TRA2A: variants seen among roughly 807,000 people sequenced by gnomAD.
TRA2A encodes the protein transformer 2 alpha homolog, also known as transformer-2 protein homolog alpha.
In TRA2A, 31 loss-of-function variants were observed where a neutral mutation model predicts 45.7. That is an observed-to-expected ratio of 0.68 (90% CI 0.51 to 0.92). The LOEUF (loss-of-function observed/expected upper bound fraction) is 0.92, where lower values mean the gene tolerates loss of function less well. Ranked by LOEUF, TRA2A falls within the 40% of genes least tolerant of loss-of-function variation. TRA2A has a pLI of 0.00. For missense variants in TRA2A, 304 were observed against 367.5 expected, an observed-to-expected ratio of 0.83 and a Z score of 1.41; for synonymous variants, 132 against 126.2, an observed-to-expected ratio of 1.05 and a Z score of -0.31.
At position 23,516,460 on chromosome 7, in the gene TRA2A, C is replaced by T. The variant is rs201587902; in HGVS notation, c.239G>A (p.Arg80Lys). The T allele has an allele frequency of 1.5e-4, 248 of 1,614,068 alleles. No homozygotes were observed. Among genetic ancestry groups the T allele is most frequent in the Non-Finnish European group, 3.3e-5 (39 of 1,180,004 alleles). The change falls in exon 3 of 8, where the codon AGA (arginine) becomes AAA (lysine). Residue 80 changes from arginine (R) to lysine (K), a missense_variant. Physicochemically the swap from Arg to Lys is conservative, Grantham distance 26. This residue lies in a region of TRA2A where 132 missense variants were observed against 113.4 expected (regional missense o/e 1.16). Transcript: ENST00000297071. ...RSRSHSHSHR[R>K]RSRSRSYTPE... is the part of the protein sequence containing the mutation. ...TGTATATGATCTACTTCGAGATCGT[C>T]TCCTATGAGAGTGAGAGTGGGATCT...
At position 23,520,285 on chromosome 7, in the gene TRA2A, C is replaced by T. The variant is rs904469455; in HGVS notation, c.170+1422G>A. Among the ~76,000 whole-genome samples, 6 of 151,974 alleles carry T rather than the reference C, an allele frequency of 3.9e-5. No individual in the cohort carries two copies. In the East Asian group the frequency reaches 1.2e-3, roughly 29 times the overall value. ...TTTTTTTTAAATCAGACAGTGACAA[C>T]ATAAAAAAATTAAGAGTAAGGGAAT... On this transcript the variant is annotated intron_variant, in intron 2 of 7. Transcript: ENST00000297071.
In TRA2A at chr7:23,512,119, T is replaced by C. The variant is rs138217718; in HGVS notation, c.525+775A>G. Reference sequence around the variant, plus strand: ...CCAGATTTCAATTAGGATATGCCTATAGCAGAGAGCATAACCAAAAAAAGT... The same window carrying C: ...CCAGATTTCAATTAGGATATGCCTACAGCAGAGAGCATAACCAAAAAAAGT... On this transcript the variant is annotated intron_variant, in intron 4 of 7. Transcript: ENST00000297071. 6.1e-3 allele frequency among the ~76,000 whole-genome samples: 934 copies of C among 152,318 alleles called. 15 individuals are homozygous for C. The highest frequency in any genetic ancestry group is 0.022 in the African/African-American group (896 of 41,574).
intron 4 of TRA2A, among the ~76,000 whole-genome samples, chr7:23,511,396 A>AAAAAAAAAAAG (rs1789606365): frequency 3.2e-5 from 1 of 31,036 alleles, no homozygotes; most frequent in Non-Finnish European, 7.2e-5. Context: ...AAAAAAAAAA[A>AAAAAAAAAAAG]AAAAAAAAAA....
intron 1 of TRA2A, chr7:23,531,169 T>A: frequency 1.2e-5 from 12 of 980,082 alleles, no homozygotes; most frequent in Non-Finnish European, 1.5e-5. Flanking sequence ...GTCGGTGCGG[T>A]CGTTGACTAA....
At chr7:23,510,605 A>G (rs1370207631) in intron 4 of TRA2A, among the ~76,000 whole-genome samples, 1 of 152,146 alleles carries the variant, frequency 6.6e-6, no homozygotes, top group Non-Finnish European at 1.5e-5. Flanking sequence ...TGGGATTACA[A>G]GGTGCGAGCC....
chr7:23,507,265 G>C (rs1789385668), intron 5 of TRA2A, 155 bp downstream of exon 5: 1 of 609,636 alleles, frequency 1.6e-6, no homozygotes, highest in Admixed American at 2.9e-5. Flanking sequence ...ACACCTGGCT[G>C]ATTTTTTATT....
Position 23,516,484 on chromosome 7 carries a change from C to A in TRA2A, c.215G>T (p.Arg72Ile), listed in dbSNP as rs1789878018. ...TCTCCTATGAGAGTGAGAGTGGGAT[C>A]TGGATCGAGTGTAACGTCTATGAGA... Reference protein sequence around the residue: ...RHSHRRYTRSRSHSHSHRRRS... With the variant: ...RHSHRRYTRSISHSHSHRRRS... The change falls in exon 3 of 8, where the codon AGA (arginine) becomes ATA (isoleucine). Residue 72 changes from arginine to isoleucine, a missense_variant. Coordinates refer to ENST00000297071, the MANE Select transcript of TRA2A (RefSeq NM_013293.5). The A allele has an allele frequency of 1.2e-6, 2 of 1,614,250 alleles. No homozygotes were observed. Among genetic ancestry groups the A allele is most frequent in the African/African-American group, 1.3e-5 (1 of 75,074 alleles).
chr7:23,525,444 A>G (rs539627353), intron 1 of TRA2A, among the ~76,000 whole-genome samples: 11 of 152,354 alleles, frequency 7.2e-5, no homozygotes, highest in African/African-American at 2.6e-4. Context: ...CATTAAAAAT[A>G]CACTGCCCGG....
At chr7:23,516,158 TC>T (rs1758209287) in intron 3 of TRA2A, among the ~76,000 whole-genome samples, 1 of 152,084 alleles carries the variant, frequency 6.6e-6, no homozygotes, top group Non-Finnish European at 1.5e-5. Context: ...AAAATATACT[TC>T]CTTTGCATTC....
intron 1 of TRA2A, among the ~76,000 whole-genome samples, chr7:23,528,584 G>A (rs1790436779): frequency 6.6e-6 from 1 of 151,930 alleles, no homozygotes; most frequent in Non-Finnish European, 1.5e-5. Flanking sequence ...TTTCAGAAAA[G>A]GACCCTCCCC....
intron 1 of TRA2A, 187 bp downstream of exon 1, chr7:23,531,602 T>G (rs917777015): frequency 8.2e-6 from 5 of 610,778 alleles, no homozygotes; most frequent in South Asian, 2.0e-5. Context: ...GGGGGAGGGG[T>G]GTTATCCGTG....
At chr7:23,523,975 G>A (rs939079575) in intron 1 of TRA2A, among the ~76,000 whole-genome samples, 5 of 152,062 alleles carry the variant, frequency 3.3e-5, no homozygotes, top group Non-Finnish European at 5.9e-5. Flanking sequence ...TATTATCTAC[G>A]AACGCTGCTA....
rs971218158 is a variant in TRA2A, at chr7:23,506,210, C to T, written c.698G>A (p.Arg233His). 5 of 1,613,534 alleles carry T rather than the reference C, an allele frequency of 3.1e-6. No individual in the cohort carries two copies. Among genetic ancestry groups the T allele is most frequent in the African/African-American group, 1.3e-5 (1 of 74,986 alleles). Residue 233 changes from arginine to histidine, a missense_variant, in exon 6 of 8, where the codon CGT becomes CAT. Coordinates refer to ENST00000297071, the MANE Select transcript of TRA2A (RefSeq NM_013293.5). ...GGGGGGGGGR[R>H]RDSYYDRGYD... is the part of the protein sequence containing the mutation. ...TCCTCTATCATAGTAAGAATCTCGA[C>T]GTCTGCCACCACCTCCACCTCCACC... is the stretch of plus-strand genomic sequence containing the variant.
At position 23,521,031 on chromosome 7, in the gene TRA2A, G is replaced by T. The variant is rs117216056; in HGVS notation, c.170+676C>A. Among the ~76,000 whole-genome samples, 769 of 152,198 alleles carry T rather than the reference G, an allele frequency of 5.1e-3. 2 individuals carry two copies. The highest frequency in any genetic ancestry group is 7.7e-3 in the Non-Finnish European group (526 of 68,014). ...TTTATCCCACCTCAGTACACCTGGG[G>T]CATTTGACAGTGAACTTTGCATTGG... is the stretch of plus-strand genomic sequence containing the variant. On this transcript the variant is annotated intron_variant, in intron 2 of 7. Transcript: ENST00000297071.
At chr7:23,515,100 G>T (rs1301471546) in intron 3 of TRA2A, among the ~76,000 whole-genome samples, 1 of 151,816 alleles carries the variant, frequency 6.6e-6, no homozygotes, top group Non-Finnish European at 1.5e-5. Flanking sequence ...AAAAGTGTTA[G>T]CTATGATTAC....
At chr7:23,513,439 GA>G (rs1245683795) in intron 3 of TRA2A, among the ~76,000 whole-genome samples, 1 of 152,162 alleles carries the variant, frequency 6.6e-6, no homozygotes, top group Non-Finnish European at 1.5e-5. Context: ...CCAACATGGT[GA>G]AACCCCATCT....
chr7:23,506,372 C>G lies in TRA2A; in HGVS notation c.642-106G>C. 2.3e-6 allele frequency: 3 copies of G among 1,333,120 alleles called. No homozygotes were observed. In the South Asian group the frequency reaches 5.6e-5, roughly 25 times the overall value. The allele number at this position is 1,333,120 out of a possible 1,614,324, so 82.6% of individuals were successfully genotyped here. On this transcript the variant is annotated intron_variant, in intron 5 of 7. Coordinates refer to ENST00000297071, the MANE Select transcript of TRA2A (RefSeq NM_013293.5). ...AAAGAGAAAAGTGAGGAAGAACATC[C>G]CTTTCATGAGAAATTGCCTCCGTAT...
intron 1 of TRA2A, among the ~76,000 whole-genome samples, chr7:23,526,421 C>T (rs565196587): frequency 2.0e-5 from 3 of 152,160 alleles, no homozygotes; most frequent in Non-Finnish European, 4.4e-5. Flanking sequence ...ATGACACTGG[C>T]GCTCTATTTC....
At chr7:23,530,936 G>A (rs1584153254) in intron 1 of TRA2A, among the ~76,000 whole-genome samples, 1 of 151,358 alleles carries the variant, frequency 6.6e-6, no homozygotes, top group African/African-American at 2.4e-5. Context: ...GTAAAAACCT[G>A]TAAAGGAGTG....
Sources: gnomAD v4.1 joint callset for allele counts (sites outside exome capture counted in the v4.1 genomes callset) on GRCh38, gnomAD v4.1.1 for gene constraint, gnomAD v4.1.1 regional missense constraint, MANE v1.5 for transcripts, NCBI Gene and HGNC (gene_info 2026-07-23, HGNC 2026-07-21) for gene names.